The following GNG4 variants were observed in gnomAD, a reference collection of about 807,000 sequenced individuals.
GNG4 encodes guanine nucleotide-binding protein G(I)/G(S)/G(O) subunit gamma-4.
GNG4 carries 4 observed loss-of-function variants against 5.8 expected under a neutral mutation model. The ratio of observed to expected loss-of-function variants is 0.69; its 90% CI spans 0.34 to 1.57. GNG4 has a LOEUF of 1.57. Ranked by LOEUF, GNG4 falls within the 40% of genes most tolerant of loss-of-function variation. The pLI is 0.06. For synonymous variants in GNG4, 29 were observed against 32.9 expected, an observed-to-expected ratio of 0.88 and a Z score of 0.41; for missense variants, 96 against 95.1, an observed-to-expected ratio of 1.01 and a Z score of -0.04.
chr1:235,616,894 A>G (rs1477527910), intron 1 of GNG4, among the ~76,000 whole-genome samples: 1 of 138,914 alleles, frequency 7.2e-6, no homozygotes, highest in African/African-American at 2.7e-5. Flanking sequence ...ACCCACAAAC[A>G]CACCTGGCTA....
At chr1:235,558,383 T>A (rs907070244) in intron 3 of GNG4, among the ~76,000 whole-genome samples, 1 of 152,238 alleles carries the variant, frequency 6.6e-6, no homozygotes, top group Non-Finnish European at 1.5e-5. Flanking sequence ...ATAACCTTTA[T>A]AACCAAAGTA....
intron 1 of GNG4, among the ~76,000 whole-genome samples, chr1:235,629,987 C>T (rs943866993): frequency 5.9e-5 from 9 of 152,232 alleles, no homozygotes; most frequent in African/African-American, 1.9e-4. Context: ...GTCTTCATCA[C>T]ATTGTTCCCC....
intron 3 of GNG4, among the ~76,000 whole-genome samples, chr1:235,562,036 T>A (rs1326088505): frequency 6.6e-6 from 1 of 152,230 alleles, no homozygotes; most frequent in Non-Finnish European, 1.5e-5. Context: ...GATGTTCAGT[T>A]GTTCTTACAG....
At chr1:235,597,628 G>GTGTGT (rs772061855) in intron 1 of GNG4, among the ~76,000 whole-genome samples, 18 of 72,446 alleles carry the variant, frequency 2.5e-4, no homozygotes, top group African/African-American at 8.9e-4. Context: ...GTGTGTGTGT[G>GTGTGT]TATTTTTTTT....
chr1:235,629,782 G>C (rs1688896097), intron 1 of GNG4, among the ~76,000 whole-genome samples: 1 of 151,812 alleles, frequency 6.6e-6, no homozygotes, highest in Non-Finnish European at 1.5e-5. Context: ...AGTAAAGATG[G>C]GGTTTTACCA....
At chr1:235,583,937 C>T (rs1687704038) in intron 2 of GNG4, 89 bp from the exon 3 acceptor site, 2 of 707,206 alleles carry the variant, frequency 2.8e-6, no homozygotes, top group Non-Finnish European at 4.9e-6. Context: ...CTTCTCTGTC[C>T]AAGCCAGGGA....
At chr1:235,556,787 T>C (rs910674580) in intron 3 of GNG4, among the ~76,000 whole-genome samples, 3 of 151,940 alleles carry the variant, frequency 2.0e-5, no homozygotes, top group Admixed American at 1.3e-4. Context: ...TTATATACAA[T>C]TCACCATAAT....
intron 1 of GNG4, among the ~76,000 whole-genome samples, chr1:235,624,965 G>A (rs574015141): frequency 1.3e-5 from 2 of 152,276 alleles, no homozygotes; most frequent in Non-Finnish European, 2.9e-5. Context: ...GACCTCAAAC[G>A]TAGGTTCAAG....
chr1:235,578,192 G>A (rs1315150491), intron 3 of GNG4, among the ~76,000 whole-genome samples: 1 of 152,030 alleles, frequency 6.6e-6, no homozygotes, highest in Non-Finnish European at 1.5e-5. Flanking sequence ...GACATCACTA[G>A]ATCATCAGGG....
intron 1 of GNG4, among the ~76,000 whole-genome samples, chr1:235,640,212 G>A (rs1336809532): frequency 2.0e-5 from 3 of 152,132 alleles, no homozygotes; most frequent in South Asian, 2.1e-4. Flanking sequence ...ACAGCCCCAC[G>A]AGGAGCGGGA....
chr1:235,613,988 ATT>A (rs1292659902), intron 1 of GNG4, among the ~76,000 whole-genome samples: 1 of 152,066 alleles, frequency 6.6e-6, no homozygotes, highest in Non-Finnish European at 1.5e-5. Context: ...TAATTTTTGT[ATT>A]TATTGTAGAG....
At chr1:235,612,346 T>C (rs1021534246) in intron 1 of GNG4, among the ~76,000 whole-genome samples, 1 of 152,138 alleles carries the variant, frequency 6.6e-6, no homozygotes, top group Non-Finnish European at 1.5e-5. Context: ...GCAGAGTATG[T>C]AACATCCAGG....
chr1:235,575,770 G>A (rs74148709), intron 3 of GNG4, among the ~76,000 whole-genome samples: 6,377 of 152,318 alleles, frequency 0.042, 407 homozygotes, highest in African/African-American at 0.13. Context: ...TTGACCCAAT[G>A]TCAGCAATTT....
At chr1:235,601,599 G>C (rs1382848675) in intron 1 of GNG4, among the ~76,000 whole-genome samples, 1 of 152,188 alleles carries the variant, frequency 6.6e-6, no homozygotes, top group East Asian at 1.9e-4. Flanking sequence ...TGGGCTGGCT[G>C]TCCACAGAAC....
chr1:235,605,503 G>A (rs952009955), intron 1 of GNG4, among the ~76,000 whole-genome samples: 11 of 152,102 alleles, frequency 7.2e-5, no homozygotes, highest in African/African-American at 2.4e-4. Flanking sequence ...TTTATGTGGA[G>A]ACAAAACTAA....
intron 3 of GNG4, among the ~76,000 whole-genome samples, chr1:235,578,367 T>C (rs1687536795): frequency 6.6e-6 from 1 of 152,200 alleles, no homozygotes; most frequent in South Asian, 2.1e-4. Flanking sequence ...AAACTGTGGA[T>C]GTTTTTCAAA....
At chr1:235,585,079 A>G (rs1687726441) in intron 2 of GNG4, among the ~76,000 whole-genome samples, 1 of 151,342 alleles carries the variant, frequency 6.6e-6, no homozygotes, top group African/African-American at 2.4e-5. Context: ...ACTCCAGTCT[A>G]TTCTTTCCTA....
At chr1:235,559,070 C>A (rs1438190445) in intron 3 of GNG4, among the ~76,000 whole-genome samples, 1 of 152,132 alleles carries the variant, frequency 6.6e-6, no homozygotes, top group Non-Finnish European at 1.5e-5. Context: ...GCTGTGACAC[C>A]CACTGCATTT....
At chr1:235,627,245 CAG>C (rs1688835331) in intron 1 of GNG4, among the ~76,000 whole-genome samples, 1 of 151,898 alleles carries the variant, frequency 6.6e-6, no homozygotes, top group Non-Finnish European at 1.5e-5. Context: ...TTTTTTGAGA[CAG>C]AGTCTCGCTC....
Sources: gnomAD v4.1 joint callset for allele counts (sites outside exome capture counted in the v4.1 genomes callset) on GRCh38, gnomAD v4.1.1 for gene constraint, MANE v1.5 for transcripts, NCBI Gene and HGNC (gene_info 2026-07-23, HGNC 2026-07-21) for gene names.